Variants in RBM33 observed in about 807,000 individuals in gnomAD.
RBM33 encodes the protein RNA binding motif protein 33, also known as RNA-binding protein 33.
In RBM33, 28 loss-of-function variants were observed where a neutral mutation model predicts 132.6. The observed-to-expected ratio is 0.21, with a 90% CI of 0.16 to 0.29. The LOEUF (loss-of-function observed/expected upper bound fraction) is 0.29, where lower values mean the gene tolerates loss of function less well. Ranked by LOEUF, RBM33 falls within the 10% of genes least tolerant of loss-of-function variation. The probability of loss-of-function intolerance (pLI) is 1.00; values close to 1 mark genes in which losing one functional copy is unlikely to be tolerated. For missense variants in RBM33, 1,291 were observed against 1,518.5 expected (o/e 0.85, Z 2.49); for synonymous variants, 634 against 593.0 (o/e 1.07, Z -1.01).
chr7:155,675,293 CA>C (rs71881256), intron 3 of RBM33, among the ~76,000 whole-genome samples: 3,659 of 127,340 alleles, frequency 0.029, 41 homozygotes, highest in African/African-American at 0.11. Flanking sequence ...GACTCCGTCT[CA>C]AAAAAAAAAA....
chr7:155,715,322 C>G (rs1463941239), intron 8 of RBM33, among the ~76,000 whole-genome samples: 1 of 152,208 alleles, frequency 6.6e-6, no homozygotes, highest in Non-Finnish European at 1.5e-5. Context: ...ATCTGTTATT[C>G]TTGTGCATTT....
intron 3 of RBM33, among the ~76,000 whole-genome samples, chr7:155,676,369 G>A (rs937885992): frequency 6.6e-6 from 1 of 152,188 alleles, no homozygotes; most frequent in Non-Finnish European, 1.5e-5. Flanking sequence ...TTCAGCTTTT[G>A]TATTTAACTT....
chr7:155,691,362 C>T (rs1420956528), intron 5 of RBM33, among the ~76,000 whole-genome samples: 2 of 152,130 alleles, frequency 1.3e-5, no homozygotes, highest in African/African-American at 4.8e-5. Flanking sequence ...TCTAGTTAGC[C>T]ATTCGTCTAA....
rs912100638 is a variant in RBM33 at position 155,777,543 on chromosome 7, G to A, written c.*2502G>A. Reference sequence around the variant, plus strand: ...CTTAGGTGTTTGGTATGCTGCTCACGTGAAGTCAGCCCACACCAGCCAAAC... The same window carrying A: ...CTTAGGTGTTTGGTATGCTGCTCACATGAAGTCAGCCCACACCAGCCAAAC... On this transcript the variant is annotated 3_prime_UTR_variant, in exon 18 of 18. Coordinates refer to ENST00000401878, the MANE Select transcript of RBM33 (RefSeq NM_053043.3). 6.6e-6 allele frequency: 1 copy of A among 152,312 alleles called. No homozygotes were observed. The highest frequency in any genetic ancestry group is 2.4e-5 in the African/African-American group (1 of 41,440). 9.4% of individuals were successfully genotyped at this position (152,312 alleles called of 1,614,324 possible). A position where few individuals can be genotyped will look rare whatever the true frequency, so the allele number is the denominator to read the frequency against.
chr7:155,678,538 A>G (rs901436149), intron 3 of RBM33, 70 bp from the exon 4 acceptor site: 7 of 957,000 alleles, frequency 7.3e-6, no homozygotes, highest in Non-Finnish European at 9.6e-6. Flanking sequence ...CAGTCAGTGT[A>G]ATTTTGTGCT....
chr7:155,770,944 C>A (rs948758568), intron 16 of RBM33, among the ~76,000 whole-genome samples: 1 of 152,194 alleles, frequency 6.6e-6, no homozygotes, highest in Admixed American at 6.5e-5. Context: ...GAAGTGTATT[C>A]TTTTAACTTG....
At chr7:155,679,217 AAT>A (rs1799270969) in intron 4 of RBM33, among the ~76,000 whole-genome samples, 1 of 152,156 alleles carries the variant, frequency 6.6e-6, no homozygotes, top group African/African-American at 2.4e-5. Context: ...TCTTTCATTT[AAT>A]GATCCCTGTG....
At position 155,706,973 on chromosome 7, in the gene RBM33, T is replaced by G. The variant is rs368447642; in HGVS notation, c.853T>G (p.Cys285Gly). Reference protein sequence around the residue: ...RGGRRGGPLMCRGVGDQRRES... With the variant: ...RGGRRGGPLMGRGVGDQRRES... ...AGGACGGCGAGGAGGTCCGCTGATG[T>G]GTCGTGGTGTGGGGGACCAGAGGAG... The change falls in exon 7 of 18, where the codon TGT (cysteine) becomes GGT (glycine). Residue 285 changes from cysteine to glycine, a missense_variant. By Grantham distance (159) the Cys-to-Gly change is radical. Coordinates refer to ENST00000401878, the MANE Select transcript of RBM33 (RefSeq NM_053043.3). The G allele has an allele frequency of 6.1e-5, 97 of 1,598,018 alleles. 1 individual carries two copies. In the African/African-American group the frequency reaches 8.7e-4, roughly 14 times the overall value.
chr7:155,715,858 C>G (rs1358217207), intron 8 of RBM33, among the ~76,000 whole-genome samples: 1 of 152,212 alleles, frequency 6.6e-6, no homozygotes, highest in Non-Finnish European at 1.5e-5. Flanking sequence ...CTTTGATTCT[C>G]AGAGCCTTAC....
intron 16 of RBM33, among the ~76,000 whole-genome samples, chr7:155,770,598 T>C (rs1802393830): frequency 6.8e-6 from 1 of 146,484 alleles, no homozygotes. Flanking sequence ...TGATACCTTT[T>C]TTTTTTTTTT....
At chr7:155,708,440 G>A (rs532552608) in intron 7 of RBM33, among the ~76,000 whole-genome samples, 6 of 152,250 alleles carry the variant, frequency 3.9e-5, no homozygotes, top group Middle Eastern at 3.4e-3. Flanking sequence ...ACTCTCATAC[G>A]AGGCCAGTGT....
At chr7:155,726,933 C>T (rs1800809958) in intron 9 of RBM33, among the ~76,000 whole-genome samples, 1 of 152,130 alleles carries the variant, frequency 6.6e-6, no homozygotes, top group Non-Finnish European at 1.5e-5. Flanking sequence ...TCTGTAAAAC[C>T]TGAGTTTCTT....
At chr7:155,757,856 T>C (rs1801902584) in intron 14 of RBM33, among the ~76,000 whole-genome samples, 1 of 123,650 alleles carries the variant, frequency 8.1e-6, no homozygotes, top group African/African-American at 3.1e-5. Context: ...GCGCATTTCA[T>C]GGCAAAAGCA....
At chr7:155,742,237 T>G in intron 13 of RBM33, 131 bp downstream of exon 13, 3 of 815,116 alleles carry the variant, frequency 3.7e-6, no homozygotes, top group Non-Finnish European at 5.6e-6. Flanking sequence ...GTCTTTTTTT[T>G]TTTTTAACCT....
chr7:155,644,727 T>C lies in RBM33; in HGVS notation c.-150T>C. ...CTTCCTGCGGAGGCGAAGGGCCAGCTGTGGACCGCGAAGCGCCCGGCTTCG... is the reference window on the plus strand; with the variant it reads ...CTTCCTGCGGAGGCGAAGGGCCAGCCGTGGACCGCGAAGCGCCCGGCTTCG... On this transcript the variant is annotated 5_prime_UTR_variant, in exon 1 of 18. Coordinates refer to ENST00000401878, the MANE Select transcript of RBM33 (RefSeq NM_053043.3). 1 of 569,640 alleles carries C rather than the reference T, an allele frequency of 1.8e-6. No homozygotes were observed. The highest frequency in any genetic ancestry group is 2.9e-6 in the Non-Finnish European group (1 of 343,422). 35.3% of individuals were successfully genotyped at this position (569,640 alleles called of 1,614,324 possible).
At chr7:155,652,152 A>G (rs966882644) in intron 1 of RBM33, among the ~76,000 whole-genome samples, 4 of 152,232 alleles carry the variant, frequency 2.6e-5, no homozygotes, top group African/African-American at 9.6e-5. Flanking sequence ...GACTAGGAAC[A>G]TATTATACAT....
At chr7:155,744,028 A>G (rs1488531125) in intron 13 of RBM33, among the ~76,000 whole-genome samples, 1 of 152,224 alleles carries the variant, frequency 6.6e-6, no homozygotes, top group African/African-American at 2.4e-5. Context: ...CAGGACGACA[A>G]GTAATCCCTG....
rs945257467 is a variant in RBM33, at chr7:155,780,364, T to C, written c.*5323T>C. On this transcript the variant is annotated 3_prime_UTR_variant, in exon 18 of 18. Transcript: ENST00000401878. ...TGGTGTCCTCTGTGAGGACTTGAACTCTGGGGCTTTAATTCCACTGTTTAA... is the reference window on the plus strand; with the variant it reads ...TGGTGTCCTCTGTGAGGACTTGAACCCTGGGGCTTTAATTCCACTGTTTAA... 3 of 152,130 alleles carry C rather than the reference T, an allele frequency of 2.0e-5. No individual in the cohort carries two copies. The highest frequency in any genetic ancestry group is 4.4e-5 in the Non-Finnish European group (3 of 67,982). The allele number at this position is 152,130 out of a possible 1,614,324, so 9.4% of individuals were successfully genotyped here.
chr7:155,648,403 C>CT (rs1313739385), intron 1 of RBM33, among the ~76,000 whole-genome samples: 1 of 152,198 alleles, frequency 6.6e-6, no homozygotes. Context: ...GGTTTTTTGA[C>CT]TTCTAGTTCA....
Sources: gnomAD v4.1 joint callset for allele counts (sites outside exome capture counted in the v4.1 genomes callset) on GRCh38, gnomAD v4.1.1 for gene constraint, MANE v1.5 for transcripts, NCBI Gene and HGNC (gene_info 2026-07-23, HGNC 2026-07-21) for gene names.